KIF3C: variants seen among roughly 807,000 people sequenced by gnomAD.
KIF3C encodes the protein kinesin-like protein KIF3C.
KIF3C carries 12 observed loss-of-function variants against 67.7 expected under a neutral mutation model. That is an observed-to-expected ratio of 0.18 (90% CI 0.11 to 0.29). The LOEUF is 0.29. Ranked by LOEUF, KIF3C falls within the 10% of genes least tolerant of loss-of-function variation. The pLI, the probability that KIF3C is intolerant of heterozygous loss-of-function variation, is 1.00. For missense variants in KIF3C, 789 were observed against 1,059.6 expected (o/e 0.74, Z 3.55); for synonymous variants, 393 against 426.2 (o/e 0.92, Z 0.96).
At chr2:25,972,223 C>A (rs1664303174) in intron 1 of KIF3C, among the ~76,000 whole-genome samples, 1 of 152,064 alleles carries the variant, frequency 6.6e-6, no homozygotes, top group African/African-American at 2.4e-5. Context: ...TCTGCGGAGG[C>A]TGGAAATGAC....
intron 5 of KIF3C, 114 bp from the exon 6 acceptor site, chr2:25,930,177 C>A: frequency 1.3e-6 from 1 of 753,726 alleles, no homozygotes; most frequent in East Asian, 2.5e-5. Flanking sequence ...ACTGCAAGTT[C>A]TGGAATTTTC....
intron 1 of KIF3C, among the ~76,000 whole-genome samples, chr2:25,967,761 G>C (rs1168266974): frequency 3.3e-5 from 5 of 152,198 alleles, no homozygotes; most frequent in Non-Finnish European, 7.3e-5. Flanking sequence ...GGGAGGTGGA[G>C]GCTGTAGTGA....
At chr2:25,977,039 CCT>C (rs1031976712) in intron 1 of KIF3C, among the ~76,000 whole-genome samples, 2 of 152,078 alleles carry the variant, frequency 1.3e-5, no homozygotes, top group African/African-American at 4.8e-5. Flanking sequence ...CCACACCCTC[CCT>C]CCCCCAGACA....
At chr2:25,961,306 G>A (rs940599473) in intron 1 of KIF3C, among the ~76,000 whole-genome samples, 4 of 152,188 alleles carry the variant, frequency 2.6e-5, no homozygotes, top group Non-Finnish European at 5.9e-5. Context: ...GTATTTCTCT[G>A]GATGGAAAGC....
chr2:25,964,445 T>C (rs1664091805), intron 1 of KIF3C, among the ~76,000 whole-genome samples: 1 of 152,218 alleles, frequency 6.6e-6, no homozygotes, highest in South Asian at 2.1e-4. Context: ...CTCTATATTG[T>C]GTTTTTAAAA....
chr2:25,972,669 G>T (rs893565236), intron 1 of KIF3C, among the ~76,000 whole-genome samples: 9 of 152,206 alleles, frequency 5.9e-5, no homozygotes, highest in African/African-American at 2.2e-4. Context: ...GATCAGCTTT[G>T]TGGAAGTCTC....
intron 5 of KIF3C, among the ~76,000 whole-genome samples, chr2:25,948,405 T>C (rs1349246186): frequency 1.4e-5 from 2 of 147,740 alleles, no homozygotes; most frequent in African/African-American, 2.5e-5. Flanking sequence ...ATAAAAAATT[T>C]AGCTGGTGTG....
chr2:25,958,537 C>T lies in KIF3C; in HGVS notation c.1546-2093G>A, dbSNP rs527917395. Among the ~76,000 whole-genome samples the T allele has an allele frequency of 4.9e-4, 75 of 152,030 alleles. No individual in the cohort carries two copies. The highest frequency in any genetic ancestry group is 1.7e-3 in the African/African-American group (70 of 41,476). On this transcript the variant is annotated intron_variant, in intron 1 of 7. Transcript: ENST00000264712. This position sits in a 1 kb window ranked among gnomAD's most constrained non-coding sequence, Gnocchi z 4.5. ...CAGAGGCTGCAGTGAGCCGAGATCA[C>T]GCCACTGCACTCCAGCCTGGGTGCC...
intron 1 of KIF3C, among the ~76,000 whole-genome samples, chr2:25,975,302 A>G (rs1041074714): frequency 1.3e-5 from 2 of 152,158 alleles, no homozygotes; most frequent in Non-Finnish European, 2.9e-5. Flanking sequence ...CTGGGACTAC[A>G]GGTACACACC....
chr2:25,938,066 T>A (rs904846855), intron 5 of KIF3C, among the ~76,000 whole-genome samples: 4 of 139,310 alleles, frequency 2.9e-5, no homozygotes, highest in Non-Finnish European at 4.6e-5. Context: ...AAAAAAAAAA[T>A]TATTATTATT....
intron 1 of KIF3C, among the ~76,000 whole-genome samples, chr2:25,961,566 G>C (rs1318408432): frequency 6.6e-6 from 1 of 152,118 alleles, no homozygotes; most frequent in Non-Finnish European, 1.5e-5. Context: ...CCTAAAAAGG[G>C]GAGGAGGAGG....
intron 5 of KIF3C, among the ~76,000 whole-genome samples, chr2:25,930,453 G>C (rs2090449992): frequency 1.3e-5 from 2 of 152,132 alleles, no homozygotes. Flanking sequence ...CCACCTCCCA[G>C]GTTCAAGCAA....
Position 25,954,324 on chromosome 2 carries a change from C to T in KIF3C, c.1832G>A (p.Arg611His), listed in dbSNP as rs1216014916. Residue 611 changes from arginine (R) to histidine (H), a missense_variant, in exon 4 of 8, where the codon CGC (arginine) becomes CAC (histidine). Around this residue, in one of 2 missense-constraint regions of KIF3C, gnomAD observed 648 missense variants for 807.8 expected, o/e 0.80. Coordinates refer to ENST00000264712, the MANE Select transcript of KIF3C (RefSeq NM_002254.8). ...EIQDQHDEYI[R>H]VRQDLEEAQN... ...CGCCTCCTCCAGGTCCTGCCGCACG[C>T]GGATATACTCATCATGCTGGTCCTG... 2 of 1,614,106 alleles carry T rather than the reference C, an allele frequency of 1.2e-6. No individual in the cohort carries two copies. Among genetic ancestry groups the T allele is most frequent in the South Asian group, 1.1e-5 (1 of 91,080 alleles).
At position 25,929,425 on chromosome 2, in the gene KIF3C, T is replaced by A; in HGVS notation, c.2168A>T (p.Glu723Val). The change falls in exon 7 of 8, where the codon GAG becomes GTG. Residue 723 changes from glutamate (E) to valine (V), a missense_variant. By Grantham distance (121) the Glu-to-Val change is moderately radical. Around this residue, in one of 2 missense-constraint regions of KIF3C, gnomAD observed 648 missense variants for 807.8 expected, o/e 0.80. Transcript: ENST00000264712. ...TTCTTGGTCGTGAGAGAATTCCATC[T>A]CAAAGACAGCTGGAGGGGACACATC... Reference protein sequence around the residue: ...ELDVSPPAVFEMEFSHDQEQD... With the variant: ...ELDVSPPAVFVMEFSHDQEQD... The A allele has an allele frequency of 1.2e-6, 2 of 1,614,052 alleles. No individual in the cohort carries two copies. Among genetic ancestry groups the A allele is most frequent in the Admixed American group, 3.3e-5 (2 of 60,004 alleles).
chr2:25,972,718 A>C (rs1210905018), intron 1 of KIF3C, among the ~76,000 whole-genome samples: 1 of 152,186 alleles, frequency 6.6e-6, no homozygotes, highest in Non-Finnish European at 1.5e-5. Context: ...ACTAACATTA[A>C]GATCAGGACA....
Position 25,981,273 on chromosome 2 carries a change from G to A in KIF3C, c.645C>T (p.Arg215=). The A allele has an allele frequency of 6.2e-7, 1 of 1,614,222 alleles. No homozygotes were observed. The highest frequency in any genetic ancestry group is 1.1e-5 in the South Asian group (1 of 91,084). ...CAGTGATGATGAAGATGGCATGGGA[G>A]CGGGAGCTGACCTCATTCATGTGGG... ...GSTHMNEVSS[R]SHAIFIITVE... is the part of the protein sequence containing the mutation. Residue 215 remains arginine (R), a synonymous_variant, in exon 1 of 8, where the codon CGC becomes CGT. Coordinates refer to ENST00000264712, the MANE Select transcript of KIF3C (RefSeq NM_002254.8). The surrounding 1 kb of genome is among the most constrained non-coding windows in gnomAD (Gnocchi z 8.2).
At chr2:25,968,113 T>C (rs1664190566) in intron 1 of KIF3C, among the ~76,000 whole-genome samples, 1 of 152,082 alleles carries the variant, frequency 6.6e-6, no homozygotes, top group African/African-American at 2.4e-5. Flanking sequence ...GAGTCAGCAG[T>C]AAGGGAAGAA....
At chr2:25,956,504 GGA>G in intron 1 of KIF3C, 60 bp from the exon 2 acceptor site, 1 of 1,355,730 alleles carries the variant, frequency 7.4e-7, no homozygotes, top group South Asian at 1.2e-5. Flanking sequence ...ATTGCTAGCT[GGA>G]GAGATTTTGC....
At chr2:25,970,004 C>T (rs561260037) in intron 1 of KIF3C, among the ~76,000 whole-genome samples, 53 of 152,366 alleles carry the variant, frequency 3.5e-4, no homozygotes, top group Non-Finnish European at 7.2e-4. Flanking sequence ...GCGTGAGCCA[C>T]TGCACCCGGC....
Sources: gnomAD v4.1 joint callset for allele counts (sites outside exome capture counted in the v4.1 genomes callset) on GRCh38, gnomAD v4.1.1 for gene constraint, gnomAD v4.1.1 regional missense constraint, Gnocchi (gnomAD v3.1) non-coding constraint, MANE v1.5 for transcripts, NCBI Gene and HGNC (gene_info 2026-07-23, HGNC 2026-07-21) for gene names.